Variants in ADARB2 observed in about 807,000 individuals in gnomAD.
The protein encoded by ADARB2 is inactive double-stranded RNA-specific editase B2.
Under a neutral mutation model 62.2 loss-of-function variants are expected in ADARB2, and 25 were observed. The observed-to-expected ratio is 0.40, with a 90% CI of 0.29 to 0.56. ADARB2 has a LOEUF of 0.56. ADARB2 is among the 20% of genes least tolerant of loss of function. The probability of loss-of-function intolerance (pLI) is 0.43; values close to 1 mark genes in which losing one functional copy is unlikely to be tolerated. For synonymous variants in ADARB2, 572 were observed against 500.8 expected, an observed-to-expected ratio of 1.14 and a Z score of -1.90; for missense variants, 1,071 against 1,077.4, an observed-to-expected ratio of 0.99 and a Z score of 0.08.
intron 1 of ADARB2, among the ~76,000 whole-genome samples, chr10:1,424,181 C>T (rs140267460): frequency 6.6e-6 from 1 of 152,300 alleles, no homozygotes; most frequent in African/African-American, 2.4e-5. Context: ...ACTATGTATG[C>T]AGTAGGTCCA....
At chr10:1,636,971 CTTTG>C (rs1377609031) in intron 1 of ADARB2, among the ~76,000 whole-genome samples, 3 of 150,976 alleles carry the variant, frequency 2.0e-5, no homozygotes, top group East Asian at 3.9e-4. Context: ...TTTGGGTCAC[CTTTG>C]TTTAACTTTT....
chr10:1,258,545 G>C (rs982474885), intron 4 of ADARB2, among the ~76,000 whole-genome samples: 4 of 152,108 alleles, frequency 2.6e-5, no homozygotes, highest in Non-Finnish European at 4.4e-5. Context: ...GATCAAAAGA[G>C]ACAAAGAAGG....
chr10:1,590,986 A>G (rs2132007536), intron 1 of ADARB2, among the ~76,000 whole-genome samples: 1 of 152,320 alleles, frequency 6.6e-6, no homozygotes, highest in Admixed American at 6.5e-5. Context: ...TTCACAATGT[A>G]CCTGTCCATC....
intron 1 of ADARB2, among the ~76,000 whole-genome samples, chr10:1,709,086 T>A (rs1429658440): frequency 1.3e-5 from 2 of 152,204 alleles, no homozygotes; most frequent in African/African-American, 4.8e-5. Flanking sequence ...AAACTAAGAA[T>A]GACTGTTTCA....
At chr10:1,236,920 G>C (rs113482437) in intron 5 of ADARB2, among the ~76,000 whole-genome samples, 58 of 10,800 alleles carry the variant, frequency 5.4e-3, no homozygotes, top group Admixed American at 0.013. Context: ...ACTCCCCCCT[G>C]CCTCCCGGTG....
At chr10:1,267,754 G>C (rs1831219897) in intron 4 of ADARB2, among the ~76,000 whole-genome samples, 1 of 152,252 alleles carries the variant, frequency 6.6e-6, no homozygotes, top group East Asian at 1.9e-4. Context: ...CGGAGCCTCT[G>C]CGTGTCCTGA....
chr10:1,185,945 C>T (rs555623739), intron 8 of ADARB2, among the ~76,000 whole-genome samples: 1 of 152,290 alleles, frequency 6.6e-6, no homozygotes, highest in African/African-American at 2.4e-5. Flanking sequence ...TAACTGTGGC[C>T]CCAGCCCTGA....
intron 1 of ADARB2, among the ~76,000 whole-genome samples, chr10:1,506,980 C>T (rs1385174444): frequency 2.0e-5 from 3 of 152,250 alleles, no homozygotes; most frequent in Non-Finnish European, 4.4e-5. Flanking sequence ...GTCTTCCCCA[C>T]AATCCGGATC....
At chr10:1,428,615 A>G (rs955768159) in intron 1 of ADARB2, among the ~76,000 whole-genome samples, 4 of 151,960 alleles carry the variant, frequency 2.6e-5, no homozygotes, top group Admixed American at 2.0e-4. Flanking sequence ...ACATTTTTGA[A>G]ATGACTAAAC....
intron 1 of ADARB2, among the ~76,000 whole-genome samples, chr10:1,392,083 T>C (rs1832575823): frequency 6.6e-6 from 1 of 152,198 alleles, no homozygotes; most frequent in Non-Finnish European, 1.5e-5. Flanking sequence ...GATCTAATAC[T>C]CTACCTCCTA....
chr10:1,618,179 A>T (rs1833665603), intron 1 of ADARB2, among the ~76,000 whole-genome samples: 1 of 152,230 alleles, frequency 6.6e-6, no homozygotes, highest in South Asian at 2.1e-4. Context: ...GGTGAGTCAC[A>T]GAATTGCTCT....
Position 1,197,482 on chromosome 10 carries a change from C to T in ADARB2, c.1864+2484G>A, listed in dbSNP as rs147307061. ...CATGGATGCCTGAAAGGGCTTCAGA[C>T]GCCCCAGCTGGCCCTTTTCACACTC... On this transcript the variant is annotated intron_variant, in intron 8 of 9. Coordinates refer to ENST00000381312, the MANE Select transcript of ADARB2 (RefSeq NM_018702.4). Among the ~76,000 whole-genome samples the T allele has an allele frequency of 5.7e-3, 861 of 152,328 alleles. 7 individuals carry two copies. The highest frequency in any genetic ancestry group is 0.014 in the South Asian group (66 of 4,828).
intron 4 of ADARB2, among the ~76,000 whole-genome samples, chr10:1,242,635 TC>T (rs1222230863): frequency 1.3e-5 from 2 of 152,166 alleles, no homozygotes; most frequent in East Asian, 3.9e-4. Context: ...GAGTCCCAGG[TC>T]CCCTGTGAGT....
chr10:1,464,507 C>T (rs111238184), intron 1 of ADARB2, among the ~76,000 whole-genome samples: 6 of 74,294 alleles, frequency 8.1e-5, no homozygotes, highest in East Asian at 4.5e-4. Flanking sequence ...CAGCAGGCAG[C>T]GCGCCGGAGA....
intron 1 of ADARB2, among the ~76,000 whole-genome samples, chr10:1,450,923 G>A (rs1040711462): frequency 6.6e-6 from 1 of 152,224 alleles, no homozygotes; most frequent in African/African-American, 2.4e-5. Context: ...CACCATAGCT[G>A]GGCACAGCAC....
intron 1 of ADARB2, among the ~76,000 whole-genome samples, chr10:1,421,507 T>C (rs766193902): frequency 2.6e-5 from 4 of 151,938 alleles, no homozygotes; most frequent in Non-Finnish European, 4.4e-5. Context: ...CATTACAGAG[T>C]CTTATTCACA....
chr10:1,703,678 T>G (rs1052777430), intron 1 of ADARB2, among the ~76,000 whole-genome samples: 4 of 152,246 alleles, frequency 2.6e-5, no homozygotes, highest in African/African-American at 9.6e-5. Flanking sequence ...TTTGCCTGAA[T>G]CCTCAGATGA....
intron 1 of ADARB2, among the ~76,000 whole-genome samples, chr10:1,649,964 G>C (rs910985368): frequency 1.7e-4 from 26 of 152,214 alleles, no homozygotes; most frequent in African/African-American, 2.4e-4. Context: ...GGAGGACCTG[G>C]AGGTCCTGCT....
intron 1 of ADARB2, among the ~76,000 whole-genome samples, chr10:1,713,888 A>G (rs1834982339): frequency 6.6e-6 from 1 of 152,322 alleles, no homozygotes. Flanking sequence ...TATCTGCCAT[A>G]CAAGCATGGG....
Sources: allele counts gnomAD v4.1 joint callset (sites outside exome capture counted in the v4.1 genomes callset), GRCh38; gene constraint gnomAD v4.1.1; transcripts MANE v1.5; gene names NCBI Gene and HGNC (gene_info 2026-07-23, HGNC 2026-07-21).